IGF2BP3: variants seen among roughly 807,000 people sequenced by gnomAD.
IGF2BP3 encodes insulin-like growth factor 2 mRNA-binding protein 3.
A neutral mutation model predicts 73.8 loss-of-function variants in IGF2BP3; 9 were observed. The ratio of observed to expected loss-of-function variants is 0.12; its 90% CI spans 0.07 to 0.21. The LOEUF (loss-of-function observed/expected upper bound fraction) is 0.21. Ranked by LOEUF, IGF2BP3 falls within the 10% of genes least tolerant of loss-of-function variation. IGF2BP3 has a pLI of 1.00. For missense variants in IGF2BP3, 542 were observed against 714.0 expected (o/e 0.76, Z 2.75); for synonymous variants, 258 against 256.7 (o/e 1.01, Z -0.05).
At chr7:23,374,895 T>C (rs58398760) in intron 3 of IGF2BP3, among the ~76,000 whole-genome samples, 2,596 of 152,204 alleles carry the variant, frequency 0.017, 68 homozygotes, top group African/African-American at 0.06. Flanking sequence ...CCGTGATAAA[T>C]GTCCATGAAA....
At chr7:23,426,382 A>C (rs1787512448) in intron 2 of IGF2BP3, among the ~76,000 whole-genome samples, 1 of 151,918 alleles carries the variant, frequency 6.6e-6, no homozygotes, top group Non-Finnish European at 1.5e-5. Flanking sequence ...TGGGGGGAAA[A>C]AATTTAATGA....
chr7:23,435,717 A>C (rs917664449), intron 2 of IGF2BP3, among the ~76,000 whole-genome samples: 6 of 151,614 alleles, frequency 4.0e-5, no homozygotes, highest in African/African-American at 1.5e-4. Context: ...CGGCCTCCCA[A>C]AGTGCTGGGA....
chr7:23,334,451 G>C (rs964787658), intron 10 of IGF2BP3, among the ~76,000 whole-genome samples: 1 of 152,214 alleles, frequency 6.6e-6, no homozygotes, highest in African/African-American at 2.4e-5. Flanking sequence ...AACTCAGCAG[G>C]CAGAGCAAAA....
intron 5 of IGF2BP3, among the ~76,000 whole-genome samples, chr7:23,357,889 TA>T (rs1210014214): frequency 7.3e-6 from 1 of 137,930 alleles, no homozygotes; most frequent in East Asian, 2.0e-4. Flanking sequence ...CATAGAGCTT[TA>T]ACTAACAGAG....
chr7:23,454,362 A>C lies in IGF2BP3; in HGVS notation c.236+14120T>G, dbSNP rs560415429. 2.0e-5 allele frequency among the ~76,000 whole-genome samples: 3 copies of C among 152,280 alleles called. No individual in the cohort carries two copies. In the South Asian group the frequency reaches 6.2e-4, roughly 32 times the overall value. ...ATTCTTAACTTATTCACAGTGCATA[A>C]CCCATATTTTACAAAGAAATGTGAA... On this transcript the variant is annotated intron_variant, in intron 2 of 14. Transcript: ENST00000258729.
chr7:23,455,694 A>ACTTT lies in IGF2BP3; in HGVS notation c.236+12787_236+12788insAAAG, dbSNP rs55881657. ...CTTTCTTCAGGACAAGGGTCTTACTATTTTTTTTGGAGACGGAGTCTCCCT... is the reference window on the plus strand; with the variant it reads ...CTTTCTTCAGGACAAGGGTCTTACTACTTTTTTTTTTTGGAGACGGAGTCTCCCT... On this transcript the variant is annotated intron_variant, in intron 2 of 14. Transcript: ENST00000258729. Among the ~76,000 whole-genome samples the ACTTT allele has an allele frequency of 3.5e-3, 524 of 151,704 alleles. 3 individuals carry two copies. Among genetic ancestry groups the ACTTT allele is most frequent in the Non-Finnish European group, 5.6e-3 (383 of 67,828 alleles).
At chr7:23,388,788 G>C (rs1022831483) in intron 3 of IGF2BP3, among the ~76,000 whole-genome samples, 1 of 151,948 alleles carries the variant, frequency 6.6e-6, no homozygotes, top group Non-Finnish European at 1.5e-5. Flanking sequence ...CTATCTCTGG[G>C]GGTTACAAGT....
chr7:23,433,582 G>C (rs1392428999), intron 2 of IGF2BP3, among the ~76,000 whole-genome samples: 1 of 151,524 alleles, frequency 6.6e-6, no homozygotes, highest in Non-Finnish European at 1.5e-5. Context: ...TTGGGCTCAA[G>C]CAATTCTCCC....
Position 23,417,215 on chromosome 7 carries a change from T to C in IGF2BP3, c.285+1561A>G, listed in dbSNP as rs887227296. On this transcript the variant is annotated intron_variant, in intron 3 of 14. Coordinates refer to ENST00000258729, the MANE Select transcript of IGF2BP3 (RefSeq NM_006547.3). ...AAAATTGTTTTTGTTGATCAATATG[T>C]AAATAATCATTAAATTTTTAAAGGG... is the stretch of plus-strand genomic sequence containing the variant. 7.3e-4 allele frequency among the ~76,000 whole-genome samples: 111 copies of C among 152,334 alleles called. 1 individual carries two copies. The highest frequency in any genetic ancestry group is 1.3e-3 in the African/African-American group (52 of 41,574).
chr7:23,368,343 A>AAAGAAAGAAAGAAAG (rs1785444088), intron 3 of IGF2BP3, among the ~76,000 whole-genome samples: 1 of 137,924 alleles, frequency 7.3e-6, no homozygotes, highest in Non-Finnish European at 1.5e-5. Context: ...AAGAAAGAAA[A>AAAGAAAGAAAGAAAG]AAAGAAAGAA....
intron 2 of IGF2BP3, among the ~76,000 whole-genome samples, chr7:23,419,124 C>T (rs374924914): frequency 6.6e-5 from 10 of 152,268 alleles, no homozygotes; most frequent in South Asian, 4.1e-4. Context: ...AGTTCAAATC[C>T]GTTAGCTTCA....
At chr7:23,313,707 T>C (rs1237061093) in intron 12 of IGF2BP3, 54 bp from the exon 13 acceptor site, 1 of 1,580,516 alleles carries the variant, frequency 6.3e-7, no homozygotes, top group Non-Finnish European at 8.6e-7. Flanking sequence ...ATGGAAAAGG[T>C]CAGTTAACTT....
intron 5 of IGF2BP3, among the ~76,000 whole-genome samples, chr7:23,355,886 T>C (rs1441904503): frequency 6.6e-6 from 1 of 150,948 alleles, no homozygotes; most frequent in African/African-American, 2.4e-5. Context: ...TGAGCCAAGA[T>C]TGCCCCACTG....
chr7:23,331,933 T>A (rs1183456962), intron 10 of IGF2BP3, among the ~76,000 whole-genome samples: 1 of 150,500 alleles, frequency 6.6e-6, no homozygotes, highest in African/African-American at 2.5e-5. Flanking sequence ...AAACTTACAA[T>A]CGTGGCGGAA....
intron 10 of IGF2BP3, among the ~76,000 whole-genome samples, chr7:23,335,073 T>TAAAAAA (rs5882898): frequency 6.4e-3 from 438 of 68,368 alleles, no homozygotes; most frequent in Non-Finnish European, 7.1e-3. Context: ...TCTTTAACAT[T>TAAAAAA]AAAAAAAAAA....
chr7:23,345,067 G>T (rs1409790623), intron 8 of IGF2BP3, among the ~76,000 whole-genome samples: 1 of 152,110 alleles, frequency 6.6e-6, no homozygotes, highest in Non-Finnish European at 1.5e-5. Flanking sequence ...CCAAACAGAA[G>T]TTTCCTGCTT....
intron 3 of IGF2BP3, among the ~76,000 whole-genome samples, chr7:23,370,424 A>G (rs1365601657): frequency 6.6e-6 from 1 of 152,146 alleles, no homozygotes; most frequent in Non-Finnish European, 1.5e-5. Flanking sequence ...GTTTCAGAAG[A>G]TGGAACAACA....
At chr7:23,407,986 C>A (rs952089033) in intron 3 of IGF2BP3, among the ~76,000 whole-genome samples, 47 of 147,576 alleles carry the variant, frequency 3.2e-4, no homozygotes, top group African/African-American at 1.1e-3. Context: ...CAATGTAATT[C>A]ATTTACAGCC....
chr7:23,440,885 T>G (rs889927658), intron 2 of IGF2BP3, among the ~76,000 whole-genome samples: 2 of 152,166 alleles, frequency 1.3e-5, no homozygotes, highest in Non-Finnish European at 2.9e-5. Flanking sequence ...GAATACAATA[T>G]CAGTTGCAAG....
Sources: allele counts gnomAD v4.1 joint callset (sites outside exome capture counted in the v4.1 genomes callset), GRCh38; gene constraint gnomAD v4.1.1; transcripts MANE v1.5; gene names NCBI Gene and HGNC (gene_info 2026-07-23, HGNC 2026-07-21).